Variants in SLC2A6 observed in about 807,000 individuals in gnomAD.
The protein encoded by SLC2A6 is solute carrier family 2 member 6, also known as solute carrier family 2, facilitated glucose transporter member 6.
Under a neutral mutation model 47.8 loss-of-function variants are expected in SLC2A6, and 39 were observed. The ratio of observed to expected loss-of-function variants is 0.82; its 90% CI spans 0.63 to 1.07. The LOEUF (loss-of-function observed/expected upper bound fraction) is 1.07, where lower values mean the gene tolerates loss of function less well. Among genes scored for constraint, SLC2A6 ranks in the 50% least tolerant of loss-of-function variants. SLC2A6 has a pLI of 0.00. For missense variants in SLC2A6, 650 were observed against 707.6 expected (o/e 0.92, Z 0.92); for synonymous variants, 346 against 324.1 (o/e 1.07, Z -0.73).
chr9:133,472,454 A>G (rs1423547952), intron 9 of SLC2A6, among the ~76,000 whole-genome samples: 1 of 148,316 alleles, frequency 6.7e-6, no homozygotes, highest in East Asian at 2.0e-4. Flanking sequence ...CCCCCTACCC[A>G]GCGCTGGCAT....
chr9:133,476,392 G>A (rs782201445), intron 3 of SLC2A6, 56 bp from the exon 4 acceptor site: 73 of 1,460,992 alleles, frequency 5.0e-5, no homozygotes, highest in African/African-American at 2.2e-4. Flanking sequence ...TCCTAGGCCC[G>A]GCCGAGATGG....
At chr9:133,475,652 G>A (rs781995611) in intron 4 of SLC2A6, 41 bp from the exon 5 acceptor site, 1 of 1,509,060 alleles carries the variant, frequency 6.6e-7, no homozygotes, top group East Asian at 2.4e-5. Flanking sequence ...TCCAGGCCTG[G>A]TACAGCCCCT....
chr9:133,473,369 T>G, intron 8 of SLC2A6, 46 bp downstream of exon 8: 1 of 1,546,886 alleles, frequency 6.5e-7, no homozygotes, highest in Non-Finnish European at 8.7e-7. Context: ...CACCCATCCC[T>G]TAACACCCAA....
chr9:133,478,728 G>A (rs1352686974), intron 1 of SLC2A6: 7 of 587,252 alleles, frequency 1.2e-5, no homozygotes, highest in Non-Finnish European at 2.1e-5. Context: ...GCTCGCTGGG[G>A]CCTCAGTCTC....
Position 133,478,953 on chromosome 9 carries a change from C to T in SLC2A6, c.92+15G>A. 6.4e-7 allele frequency: 1 copy of T among 1,555,378 alleles called. No homozygotes were observed. On this transcript the variant is annotated intron_variant, in intron 1 of 9. Coordinates refer to ENST00000371899, the MANE Select transcript of SLC2A6 (RefSeq NM_017585.4). ...CCCAGGCCCCACCCGCAGCCCCCAA[C>T]CTAGCGACTCTCACCCGACCCGCGC...
In SLC2A6 at chr9:133,473,467, G is replaced by A. The variant is rs781999084; in HGVS notation, c.1170C>T (p.Pro390=). The A allele has an allele frequency of 1.5e-5, 24 of 1,605,764 alleles. No homozygotes were observed. The highest frequency in any genetic ancestry group is 8.0e-5 in the African/African-American group (6 of 74,796). Residue 390 remains proline (P), a synonymous_variant, in exon 8 of 10, where the codon CCC becomes CCT. Transcript: ENST00000371899. The stretch of plus-strand genomic sequence containing the variant: ...GGGGCACCAGGGTGAGGTAGCCAGC[G>A]GGTGCTGCCAGGGGCTGCGCCAAGT... ...WGDLAQPLAA[P]AGYLTLVPLL... is the part of the protein sequence containing the mutation.
chr9:133,475,995 G>A (rs1010288246), intron 4 of SLC2A6, among the ~76,000 whole-genome samples: 2 of 152,270 alleles, frequency 1.3e-5, no homozygotes, highest in East Asian at 1.9e-4. Context: ...ATAGTCTGGC[G>A]ACTGTGGGTC....
Position 133,478,497 on chromosome 9 carries a change from T to C in SLC2A6, c.93-81A>G, listed in dbSNP as rs1554803955. 1.9e-6 allele frequency: 3 copies of C among 1,539,028 alleles called. No individual in the cohort carries two copies. In the Admixed American group the frequency reaches 5.3e-5, roughly 27 times the overall value. ...CATTGCCTTTTCTGAACCCAGTGGCTGCCCGGCTCAGCGGGCAGTGCTAGG... is the reference window on the plus strand; with the variant it reads ...CATTGCCTTTTCTGAACCCAGTGGCCGCCCGGCTCAGCGGGCAGTGCTAGG... On this transcript the variant is annotated intron_variant, in intron 1 of 9. Coordinates refer to ENST00000371899, the MANE Select transcript of SLC2A6 (RefSeq NM_017585.4).
chr9:133,471,807 C>G lies in SLC2A6; in HGVS notation c.*214G>C. 6.8e-6 allele frequency: 4 copies of G among 590,318 alleles called. No homozygotes were observed. Among genetic ancestry groups the G allele is most frequent in the Middle Eastern group, 4.6e-4 (1 of 2,190 alleles). 36.6% of individuals were successfully genotyped at this position (590,318 alleles called of 1,614,324 possible). A position where few individuals can be genotyped will look rare whatever the true frequency, so the allele number is the denominator to read the frequency against. ...CTGCGGCCCATGGCTACGTGCAGCA[C>G]TGTGGGCTGCCTGGGCTGGGGCTGT... On this transcript the variant is annotated 3_prime_UTR_variant, in exon 10 of 10. Coordinates refer to ENST00000371899, the MANE Select transcript of SLC2A6 (RefSeq NM_017585.4).
intron 9 of SLC2A6, 35 bp downstream of exon 9, chr9:133,473,070 G>T: frequency 6.3e-7 from 1 of 1,582,794 alleles, no homozygotes; most frequent in Non-Finnish European, 8.6e-7. Flanking sequence ...GTCAGAGAGG[G>T]CCTAGGGGCC....
chr9:133,471,273 C>CTGGAG lies in SLC2A6; in HGVS notation c.*743_*747dup, dbSNP rs1004854603. 4 of 145,834 alleles carry CTGGAG rather than the reference C, an allele frequency of 2.7e-5. No individual in the cohort carries two copies. The highest frequency in any genetic ancestry group is 1.0e-4 in the African/African-American group (4 of 39,392). The allele number at this position is 145,834 out of a possible 1,614,324, so 9.0% of individuals were successfully genotyped here. On this transcript the variant is annotated 3_prime_UTR_variant, in exon 10 of 10. Coordinates refer to ENST00000371899, the MANE Select transcript of SLC2A6 (RefSeq NM_017585.4). ...CGGAGTTTCACTCTCGTTGCCCAGG[C>CTGGAG]TGGAGTGCAATGGCATGATCTCAGC...
Position 133,476,254 on chromosome 9 carries a change from A to G in SLC2A6, c.545T>C (p.Leu182Pro). 6.2e-7 allele frequency: 1 copy of G among 1,612,774 alleles called. No homozygotes were observed. The highest frequency in any genetic ancestry group is 1.3e-5 in the African/African-American group (1 of 75,050). ...ATACTTGCCAAGGGCGTAGAGGGAC[A>G]GGGATCCGAACACTGCCATGAGCTG... ...TPQLMAVFGS[L>P]SLYALGLLLP... The change falls in exon 4 of 10, where the codon CTG (leucine) becomes CCG (proline). Residue 182 changes from leucine to proline, a missense_variant. Leu to Pro is a moderately conservative substitution (Grantham distance 98). Transcript: ENST00000371899.
chr9:133,477,826 G>C (rs782817420), intron 2 of SLC2A6, among the ~76,000 whole-genome samples: 1 of 152,188 alleles, frequency 6.6e-6, no homozygotes, highest in Non-Finnish European at 1.5e-5. Context: ...TACATATGAG[G>C]CTATTAAGAT....
At chr9:133,473,321 C>T (rs1843804730) in intron 8 of SLC2A6, 71 bp from the exon 9 acceptor site, 2 of 1,540,040 alleles carry the variant, frequency 1.3e-6, no homozygotes, top group East Asian at 4.9e-5. Context: ...CTCCGCTGAG[C>T]TGCTGGAGAC....
intron 7 of SLC2A6, 90 bp from the exon 8 acceptor site, chr9:133,473,690 GC>G: frequency 4.6e-6 from 6 of 1,310,774 alleles, no homozygotes; most frequent in Non-Finnish European, 5.1e-6. Context: ...CTTGATACTT[GC>G]GTGGTCCAGC....
At chr9:133,475,270 C>A (rs927639309) in intron 5 of SLC2A6, 130 bp downstream of exon 5, 7 of 1,360,448 alleles carry the variant, frequency 5.1e-6, no homozygotes, top group African/African-American at 2.9e-5. Context: ...AACAGCCCCC[C>A]ACCCCAACCC....
Position 133,475,067 on chromosome 9 carries a change from C to T in SLC2A6, c.821G>A (p.Arg274Gln), listed in dbSNP as rs587738148. The T allele has an allele frequency of 2.5e-5, 40 of 1,600,436 alleles. No individual in the cohort carries two copies. The South Asian group carries it at 2.6e-4, about 10-fold the overall frequency. ...CATCAGCAAGGCCACGGTGATGGGC[C>T]GGCACACGTGTGGGGCCCGTGCCTC... ...WAEARAPHVC[R>Q]PITVALLMRL... Residue 274 changes from arginine to glutamine, a missense_variant, in exon 6 of 10, where the codon CGG becomes CAG. Coordinates refer to ENST00000371899, the MANE Select transcript of SLC2A6 (RefSeq NM_017585.4).
In SLC2A6 at chr9:133,471,214, C is replaced by CAT; in HGVS notation, c.*806_*807insAT. 8.3e-6 allele frequency: 1 copy of CAT among 120,088 alleles called. No individual in the cohort carries two copies. The highest frequency in any genetic ancestry group is 2.4e-4 in the East Asian group (1 of 4,158). The allele number at this position is 120,088 out of a possible 1,614,324, so 7.4% of individuals were successfully genotyped here. On this transcript the variant is annotated 3_prime_UTR_variant, in exon 10 of 10. Coordinates refer to ENST00000371899, the MANE Select transcript of SLC2A6 (RefSeq NM_017585.4). ...GGCCACGCCAGGTCCTTTGCCCTGG[C>CAT]TTTTTTTTTTTTTTTTTTGGCAGGG...
Position 133,472,131 on chromosome 9 carries a change from A to G in SLC2A6, c.1414T>C (p.Cys472Arg). ...CCTGTGAACACCAGGCTCACCAAGC[A>G]GATGGCCGCGAAGAAGAAGAAAGGC... ...QVPFFFFAAI[C>R]LVSLVFTGCC... The change falls in exon 10 of 10, where the codon TGC becomes CGC. Residue 472 changes from cysteine to arginine, a missense_variant. Physicochemically the swap from Cys to Arg is radical, Grantham distance 180 (BLOSUM62 -3). Coordinates refer to ENST00000371899, the MANE Select transcript of SLC2A6 (RefSeq NM_017585.4). 1 of 1,613,454 alleles carries G rather than the reference A, an allele frequency of 6.2e-7. No individual in the cohort carries two copies. The highest frequency in any genetic ancestry group is 8.5e-7 in the Non-Finnish European group (1 of 1,179,918).
Sources: allele counts gnomAD v4.1 joint callset (sites outside exome capture counted in the v4.1 genomes callset), GRCh38; gene constraint gnomAD v4.1.1; transcripts MANE v1.5; gene names NCBI Gene and HGNC (gene_info 2026-07-23, HGNC 2026-07-21).